The following NPTN variants were observed in gnomAD, a reference collection of about 807,000 sequenced individuals.
The protein encoded by NPTN is SDR-1.
Under a neutral mutation model 42.7 loss-of-function variants are expected in NPTN, and 5 were observed. The ratio of observed to expected loss-of-function variants is 0.12; its 90% confidence interval spans 0.06 to 0.25. The LOEUF (loss-of-function observed/expected upper bound fraction) is 0.25, where lower values mean the gene tolerates loss of function less well. Among genes scored for constraint, NPTN ranks in the 10% least tolerant of loss-of-function variants. The pLI, the probability that NPTN is intolerant of heterozygous loss-of-function variation, is 1.00. For synonymous variants in NPTN, 180 were observed against 201.9 expected, an observed-to-expected ratio of 0.89 and a Z score of 0.92; for missense variants, 307 against 525.4, an observed-to-expected ratio of 0.58 and a Z score of 4.06.
At chr15:73,611,514 T>C (rs1362428350) in intron 1 of NPTN, among the ~76,000 whole-genome samples, 1 of 152,118 alleles carries the variant, frequency 6.6e-6, no homozygotes, top group Admixed American at 6.5e-5. Context: ...CACAGTATGA[T>C]TCCAACTACA....
At chr15:73,579,257 C>T (rs1043610893) in intron 4 of NPTN, among the ~76,000 whole-genome samples, 13 of 141,116 alleles carry the variant, frequency 9.2e-5, no homozygotes, top group South Asian at 2.2e-4. Flanking sequence ...CCAGCCTGGG[C>T]GACAGAGGGG....
intron 1 of NPTN, among the ~76,000 whole-genome samples, chr15:73,622,076 G>A (rs1412039280): frequency 2.0e-5 from 3 of 152,008 alleles, no homozygotes; most frequent in Admixed American, 1.3e-4. Context: ...ACTCGAACCC[G>A]GGAGATGGAG....
chr15:73,580,596 G>GT (rs1408379203), intron 4 of NPTN, among the ~76,000 whole-genome samples: 9 of 115,280 alleles, frequency 7.8e-5, no homozygotes, highest in South Asian at 4.8e-4. Context: ...TGTTATATAT[G>GT]TATATATGTA....
Position 73,597,974 on chromosome 15 carries a change from C to G in NPTN, c.92-605G>C, listed in dbSNP as rs898554899. On this transcript the variant is annotated intron_variant, in intron 1 of 8. Transcript: ENST00000345330. This position sits in a 1 kb window ranked among gnomAD's most constrained non-coding sequence, Gnocchi z 6.3. Reference sequence around the variant, plus strand: ...CTCACACAGGATTCTATCCTGGGTTCGATTAGACTTTCTCCACCTCCTATT... The same window carrying G: ...CTCACACAGGATTCTATCCTGGGTTGGATTAGACTTTCTCCACCTCCTATT... Among the ~76,000 whole-genome samples, 1 of 152,274 alleles carries G rather than the reference C, an allele frequency of 6.6e-6. No homozygotes were observed. Among genetic ancestry groups the G allele is most frequent in the East Asian group, 1.9e-4 (1 of 5,180 alleles).
At chr15:73,605,682 G>A (rs1000597736) in intron 1 of NPTN, among the ~76,000 whole-genome samples, 12 of 148,886 alleles carry the variant, frequency 8.1e-5, no homozygotes, top group African/African-American at 2.7e-4. Flanking sequence ...AGCTGAGATC[G>A]CACCACTGCA....
intron 6 of NPTN, chr15:73,568,054 G>A: frequency 1.0e-6 from 1 of 985,434 alleles, no homozygotes; most frequent in South Asian, 4.7e-5. Flanking sequence ...GGCCACAGAT[G>A]TCTCCTATAA....
chr15:73,572,830 C>A (rs1895484108), intron 5 of NPTN, among the ~76,000 whole-genome samples: 1 of 152,188 alleles, frequency 6.6e-6, no homozygotes, highest in Non-Finnish European at 1.5e-5. Context: ...TTTGTCTTCA[C>A]CCCAATTTCA....
intron 1 of NPTN, among the ~76,000 whole-genome samples, chr15:73,623,983 T>A (rs1898269395): frequency 6.6e-6 from 1 of 152,198 alleles, no homozygotes; most frequent in African/African-American, 2.4e-5. Context: ...AGCCCATCCA[T>A]CTTTGGAGAC....
Position 73,563,300 on chromosome 15 carries a change from GAAGA to G in NPTN, c.1115-47_1115-44del, listed in dbSNP as rs755811003. On this transcript the variant is annotated intron_variant, in intron 6 of 8. Transcript: ENST00000345330. The stretch of plus-strand genomic sequence containing the variant: ...TTTTAAAAATCCATGAGAGATAAGA[GAAGA>G]AAGGAGAAAACTGTTAGATTCTGCA... 10 of 1,608,964 alleles carry G rather than the reference GAAGA, an allele frequency of 6.2e-6. No homozygotes were observed. In the Admixed American group the frequency reaches 6.7e-5, roughly 11 times the overall value.
chr15:73,603,147 A>T (rs1897143918), intron 1 of NPTN, among the ~76,000 whole-genome samples: 1 of 152,226 alleles, frequency 6.6e-6, no homozygotes, highest in South Asian at 2.1e-4. Context: ...CTAATCTGTA[A>T]AACGGGACTA....
At chr15:73,563,464 G>A (rs766502959) in intron 6 of NPTN, 51 of 1,386,340 alleles carry the variant, frequency 3.7e-5, no homozygotes, top group Non-Finnish European at 4.3e-5. Context: ...TGGCAGGTAT[G>A]TTGTTTCAAT....
intron 2 of NPTN, among the ~76,000 whole-genome samples, chr15:73,595,464 C>A (rs1424487142): frequency 6.6e-6 from 1 of 152,210 alleles, no homozygotes; most frequent in Non-Finnish European, 1.5e-5. Flanking sequence ...TCTCCTACCA[C>A]TGCCCTACAA....
chr15:73,580,421 A>T (rs190338233), intron 4 of NPTN, among the ~76,000 whole-genome samples: 1,834 of 107,252 alleles, frequency 0.017, 24 homozygotes, highest in East Asian at 0.062. Flanking sequence ...ATATATATAT[A>T]ATATATATAT....
intron 6 of NPTN, chr15:73,567,065 G>A (rs1895066247): frequency 1.1e-5 from 10 of 926,922 alleles, no homozygotes; most frequent in Non-Finnish European, 1.3e-5. Context: ...TTTTCAATGT[G>A]AGAAATCTAA....
At chr15:73,583,315 G>A (rs140529546) in intron 4 of NPTN, among the ~76,000 whole-genome samples, 20 of 152,312 alleles carry the variant, frequency 1.3e-4, no homozygotes, top group African/African-American at 4.6e-4. Flanking sequence ...ATGGCTTGGT[G>A]CTTAGGAGCA....
chr15:73,592,959 C>T (rs911342821), intron 2 of NPTN, among the ~76,000 whole-genome samples: 1 of 152,064 alleles, frequency 6.6e-6, no homozygotes, highest in African/African-American at 2.4e-5. Context: ...TGTGCAAGGC[C>T]GTAAGTATTA....
chr15:73,613,713 T>G (rs1423388390), intron 1 of NPTN, among the ~76,000 whole-genome samples: 1 of 151,542 alleles, frequency 6.6e-6, no homozygotes, highest in African/African-American at 2.4e-5. Context: ...TGAGACAGAG[T>G]CTCGCTCTGT....
intron 6 of NPTN, chr15:73,567,918 G>C (rs991561988): frequency 3.0e-6 from 3 of 985,296 alleles, no homozygotes; most frequent in African/African-American, 3.5e-5. Flanking sequence ...CAAGAGACTA[G>C]AGCAAGGAGG....
intron 1 of NPTN, among the ~76,000 whole-genome samples, chr15:73,621,022 G>T (rs1399553759): frequency 1.3e-5 from 2 of 152,180 alleles, no homozygotes; most frequent in East Asian, 3.9e-4. Flanking sequence ...CATGTAGGTA[G>T]GTCAAAACAT....
Sources: allele counts gnomAD v4.1 joint callset (sites outside exome capture counted in the v4.1 genomes callset), GRCh38; gene constraint gnomAD v4.1.1; non-coding constraint Gnocchi (gnomAD v3.1); transcripts MANE v1.5; gene names NCBI Gene and HGNC (gene_info 2026-07-23, HGNC 2026-07-21).